LMF1: variants seen among roughly 807,000 people sequenced by gnomAD.
LMF1 encodes the protein transmembrane protein 112.
LMF1 carries 68 observed loss-of-function variants against 60.6 expected under a neutral mutation model. That is an observed-to-expected ratio of 1.12 (90% CI 0.92 to 1.37). The LOEUF (loss-of-function observed/expected upper bound fraction) is 1.37. Ranked by LOEUF, LMF1 falls within the 40% of genes most tolerant of loss-of-function variation. LMF1 has a pLI of 0.00. For synonymous variants in LMF1, 418 were observed against 324.7 expected, an observed-to-expected ratio of 1.29 and a Z score of -3.09; for missense variants, 948 against 767.2, an observed-to-expected ratio of 1.24 and a Z score of -2.78.
intron 2 of LMF1, among the ~76,000 whole-genome samples, chr16:939,292 G>A (rs1050114204): frequency 1.3e-5 from 2 of 152,214 alleles, no homozygotes; most frequent in South Asian, 2.1e-4. Flanking sequence ...GCAGGCTGGC[G>A]GCACCCGTCC....
chr16:926,899 G>A (rs1028068910), intron 3 of LMF1, among the ~76,000 whole-genome samples: 4 of 152,150 alleles, frequency 2.6e-5, no homozygotes, highest in Admixed American at 6.5e-5. Flanking sequence ...ACGGCACCCC[G>A]GGCCTATGCT....
intron 3 of LMF1, among the ~76,000 whole-genome samples, chr16:928,966 A>G (rs2071691544): frequency 2.6e-5 from 4 of 152,196 alleles, no homozygotes; most frequent in Admixed American, 2.6e-4. Flanking sequence ...GACCTGGCAA[A>G]GTGGCCCAGG....
intron 4 of LMF1, among the ~76,000 whole-genome samples, chr16:894,754 C>T (rs963786006): frequency 3.3e-5 from 5 of 152,220 alleles, no homozygotes; most frequent in Non-Finnish European, 7.3e-5. Context: ...GTGAGGGTCT[C>T]TCTGGGGACA....
At chr16:931,643 T>G in intron 3 of LMF1, 1 of 1,286,916 alleles carries the variant, frequency 7.8e-7, no homozygotes, top group Non-Finnish European at 1.0e-6. Context: ...GAGTCATACC[T>G]CAGTAACTGG....
chr16:914,518 A>G (rs2071216411), intron 3 of LMF1, among the ~76,000 whole-genome samples: 1 of 150,696 alleles, frequency 6.6e-6, no homozygotes, highest in African/African-American at 2.4e-5. Context: ...TTCCATGACC[A>G]TTGGTGACAC....
chr16:906,478 T>C (rs1437973549), intron 4 of LMF1, among the ~76,000 whole-genome samples: 5 of 152,176 alleles, frequency 3.3e-5, no homozygotes, highest in Non-Finnish European at 5.9e-5. Flanking sequence ...CGCATCTTTC[T>C]TCTGTGCTGG....
chr16:958,692 G>A (rs2072758209), intron 1 of LMF1, among the ~76,000 whole-genome samples: 1 of 152,150 alleles, frequency 6.6e-6, no homozygotes, highest in Non-Finnish European at 1.5e-5. Context: ...TTCAAGACCA[G>A]CCTGGCCAAT....
At chr16:912,841 T>C (rs991505339) in intron 3 of LMF1, among the ~76,000 whole-genome samples, 5 of 152,344 alleles carry the variant, frequency 3.3e-5, no homozygotes, top group East Asian at 3.9e-4. Context: ...AGGGCTGCCA[T>C]TGTTCTCCGC....
intron 2 of LMF1, among the ~76,000 whole-genome samples, chr16:942,155 T>G (rs1045599689): frequency 6.6e-5 from 10 of 152,246 alleles, no homozygotes; most frequent in African/African-American, 2.4e-4. Flanking sequence ...TTTGCTTTTG[T>G]TTTTGAAGGA....
At chr16:957,715 G>A (rs977402343) in intron 1 of LMF1, among the ~76,000 whole-genome samples, 14 of 152,186 alleles carry the variant, frequency 9.2e-5, no homozygotes, top group Non-Finnish European at 1.5e-4. Context: ...TCAAGACAGC[G>A]CAGTATTGAT....
At chr16:979,729 G>A in intron 1 of LMF1, 1 of 454,166 alleles carries the variant, frequency 2.2e-6, no homozygotes. Context: ...TCCTCACCCG[G>A]ATGGCACTGT....
At chr16:956,704 C>A (rs568187913) in intron 1 of LMF1, among the ~76,000 whole-genome samples, 1 of 150,724 alleles carries the variant, frequency 6.6e-6, no homozygotes, top group African/African-American at 2.4e-5. Context: ...ATTAGCTGGG[C>A]GTTGTGGCAG....
chr16:954,349 C>G lies in LMF1; in HGVS notation c.503+8G>C, dbSNP rs1023448572. ...CTAAGCTCCGACCGCCCCATTCCTG[C>G]TACTCACCAGACATGGCCCACATTA... On this transcript the variant is annotated splice_region_variant and intron_variant, in intron 2 of 10. Coordinates refer to ENST00000262301, the MANE Select transcript of LMF1 (RefSeq NM_022773.4). 19 of 1,610,328 alleles carry G rather than the reference C, an allele frequency of 1.2e-5. No individual in the cohort carries two copies. The African/African-American group carries it at 2.0e-4, about 17-fold the overall frequency.
At position 954,554 on chromosome 16, in the gene LMF1, C is replaced by T. The variant is rs3751667; in HGVS notation, c.306G>A (p.Thr102=). The change falls in exon 2 of 11, where the codon ACG becomes ACA. Residue 102 remains threonine (T), a synonymous_variant. Coordinates refer to ENST00000262301, the MANE Select transcript of LMF1 (RefSeq NM_022773.4). The part of the protein sequence containing the change: ...KNFQQYFQDR[T]SWEVFSYMPT... ...GCATGTAGCTGAAGACTTCCCAGCTCGTCCTGTCCTGGAAGTACTGCTGGA... is the reference window on the plus strand; with the variant it reads ...GCATGTAGCTGAAGACTTCCCAGCTTGTCCTGTCCTGGAAGTACTGCTGGA... 0.25 allele frequency: 409,485 copies of T among 1,612,686 alleles called. 56,067 individuals carry two copies. The highest frequency in any genetic ancestry group is 0.42 in the South Asian group (38,447 of 91,036).
rs577320123 is a variant in LMF1 at position 881,100 on chromosome 16, C to G, written c.730-1363G>C. On this transcript the variant is annotated intron_variant, in intron 5 of 10. Transcript: ENST00000262301. The stretch of plus-strand genomic sequence containing the variant: ...CAGAGAGGCTACGTGGAAGTCGGGG[C>G]CCCCAGGTGGCAGAAAGCGCACATA... 6.6e-5 allele frequency among the ~76,000 whole-genome samples: 10 copies of G among 152,308 alleles called. No homozygotes were observed. In the South Asian group the frequency reaches 2.1e-3, roughly 32 times the overall value.
At chr16:900,544 C>G (rs1201419493) in intron 4 of LMF1, 1 of 152,136 alleles carries the variant, frequency 6.6e-6, no homozygotes, top group Non-Finnish European at 1.5e-5. Flanking sequence ...GAGTCTCACT[C>G]TGTTGCCCAG....
chr16:919,866 C>T (rs1310779378), intron 3 of LMF1, among the ~76,000 whole-genome samples: 1 of 152,160 alleles, frequency 6.6e-6, no homozygotes, highest in African/African-American at 2.4e-5. Context: ...CTCCCCACCC[C>T]ACAGCTCCGC....
At chr16:979,671 G>A in intron 1 of LMF1, 1 of 454,124 alleles carries the variant, frequency 2.2e-6, no homozygotes, top group Non-Finnish European at 4.4e-6. Context: ...CCTGCTCGCA[G>A]ACCTAATGCA....
intron 5 of LMF1, among the ~76,000 whole-genome samples, chr16:892,245 C>T (rs1409807909): frequency 3.3e-5 from 5 of 152,186 alleles, no homozygotes; most frequent in Non-Finnish European, 5.9e-5. Flanking sequence ...ATGGCTTCCG[C>T]GTGCAGGTGC....
Sources: allele counts gnomAD v4.1 joint callset (sites outside exome capture counted in the v4.1 genomes callset), GRCh38; gene constraint gnomAD v4.1.1; transcripts MANE v1.5; gene names NCBI Gene and HGNC (gene_info 2026-07-23, HGNC 2026-07-21).